FOCAD: variants seen among roughly 807,000 people sequenced by gnomAD.
FOCAD encodes the protein focadhesin, also known as KIAA1797.
FOCAD carries 198 observed loss-of-function variants against 225.6 expected under a neutral mutation model. The ratio of observed to expected loss-of-function variants is 0.88; its 90% CI spans 0.78 to 0.99. The LOEUF (loss-of-function observed/expected upper bound fraction) is 0.99. Ranked by LOEUF, FOCAD falls within the 50% of genes least tolerant of loss-of-function variation. The pLI is 0.00. For missense variants in FOCAD, 2,713 were observed against 2,123.6 expected (o/e 1.28, Z -5.46); for synonymous variants, 897 against 755.0 (o/e 1.19, Z -3.08).
In FOCAD at chr9:20,781,775, C is replaced by G. The variant is rs750370111; in HGVS notation, c.1043C>G (p.Ser348Cys). The change falls in exon 10 of 44, where the codon TCT becomes TGT. Residue 348 changes from serine (S) to cysteine (C), a missense_variant. Transcript: ENST00000338382. ...GAGGATCAGAAAATCCCAAAGTCCTCTCTGCTGCTAGTGATGCCAATTCTG... is the reference window on the plus strand; with the variant it reads ...GAGGATCAGAAAATCCCAAAGTCCTGTCTGCTGCTAGTGATGCCAATTCTG... ...VTEDQKIPKS[S>C]LLLVMPILQI... 9 of 1,613,982 alleles carry G rather than the reference C, an allele frequency of 5.6e-6. No individual in the cohort carries two copies. Among genetic ancestry groups the G allele is most frequent in the South Asian group, 2.2e-5 (2 of 91,086 alleles).
chr9:20,760,591 G>A (rs181418340), intron 6 of FOCAD, among the ~76,000 whole-genome samples: 1 of 152,200 alleles, frequency 6.6e-6, no homozygotes, highest in Non-Finnish European at 1.5e-5. Context: ...TCTGATAAAT[G>A]TCTTTATTTG....
chr9:20,745,438 C>G (rs1339708547), intron 5 of FOCAD, among the ~76,000 whole-genome samples: 1 of 152,080 alleles, frequency 6.6e-6, no homozygotes, highest in East Asian at 1.9e-4. Context: ...GGCAGAGAAT[C>G]AATATTTCGC....
At chr9:20,692,505 C>G (rs1288244108) in intron 1 of FOCAD, among the ~76,000 whole-genome samples, 1 of 152,160 alleles carries the variant, frequency 6.6e-6, no homozygotes, top group African/African-American at 2.4e-5. Context: ...GTGGCTTAAA[C>G]CAACAGTTAT....
intron 5 of FOCAD, 26 bp downstream of exon 5, chr9:20,740,366 T>A (rs1482893352): frequency 2.4e-6 from 3 of 1,243,660 alleles, no homozygotes; most frequent in Non-Finnish European, 2.3e-6. Context: ...GTTTTTTTTT[T>A]AAACAAATAT....
At chr9:20,777,349 C>A (rs1818871578) in intron 8 of FOCAD, among the ~76,000 whole-genome samples, 1 of 122,386 alleles carries the variant, frequency 8.2e-6, no homozygotes, top group South Asian at 2.7e-4. Flanking sequence ...TTCATAGGTA[C>A]TTCTGCTCTG....
At chr9:20,819,940 T>C in intron 12 of FOCAD, 40 bp downstream of exon 12, 1 of 1,189,988 alleles carries the variant, frequency 8.4e-7, no homozygotes, top group Non-Finnish European at 1.2e-6. Flanking sequence ...AAAAAGTGAG[T>C]CATGAATAAT....
chr9:20,950,605 A>T (rs1228411211), intron 33 of FOCAD, among the ~76,000 whole-genome samples: 3 of 152,196 alleles, frequency 2.0e-5, no homozygotes, highest in Non-Finnish European at 4.4e-5. Flanking sequence ...TACAGAAGAG[A>T]ACAAAATGTA....
At chr9:20,702,393 C>G (rs577452828) in intron 1 of FOCAD, among the ~76,000 whole-genome samples, 1 of 152,214 alleles carries the variant, frequency 6.6e-6, no homozygotes, top group Admixed American at 6.5e-5. Context: ...CATGAGCCAC[C>G]GGCTGCTTGA....
Position 20,868,456 on chromosome 9 carries a change from C to G in FOCAD, c.2190+1444C>G, listed in dbSNP as rs149768857. Among the ~76,000 whole-genome samples, 103 of 151,976 alleles carry G rather than the reference C, an allele frequency of 6.8e-4. 1 individual carries two copies. In the East Asian group the frequency reaches 7.1e-3, roughly 11 times the overall value. On this transcript the variant is annotated intron_variant, in intron 18 of 43. Coordinates refer to ENST00000338382, the MANE Select transcript of FOCAD (RefSeq NM_001375567.1). ...TTTTTTCTGATTTTGGATTTATATT[C>G]AATTTCCAATTATGTTTGCAAGAAT...
chr9:20,917,745 A>T (rs948284420), intron 24 of FOCAD, among the ~76,000 whole-genome samples: 9 of 152,200 alleles, frequency 5.9e-5, no homozygotes, highest in Admixed American at 3.9e-4. Context: ...AGTATAGTTT[A>T]TCCTTTTCAT....
chr9:20,720,678 A>C, intron 4 of FOCAD, 144 bp downstream of exon 4: 1 of 788,592 alleles, frequency 1.3e-6, no homozygotes. Flanking sequence ...TGTTTCATAT[A>C]TGAAAATATC....
At chr9:20,868,201 A>G (rs1356209838) in intron 18 of FOCAD, among the ~76,000 whole-genome samples, 1 of 152,124 alleles carries the variant, frequency 6.6e-6, no homozygotes, top group Non-Finnish European at 1.5e-5. Flanking sequence ...GCTACATGTA[A>G]ATTTCATATG....
At chr9:20,685,583 C>T (rs1293189839) in intron 1 of FOCAD, among the ~76,000 whole-genome samples, 2 of 152,074 alleles carry the variant, frequency 1.3e-5, no homozygotes, top group Non-Finnish European at 2.9e-5. Flanking sequence ...TAATCATGAG[C>T]TTTTTAATGT....
chr9:20,866,907 T>TTTTTTTTTG (rs1829325276), intron 17 of FOCAD, 22 bp from the exon 18 acceptor site: 1 of 857,018 alleles, frequency 1.2e-6, no homozygotes, highest in African/African-American at 1.9e-5. Flanking sequence ...TTTTTTTTTT[T>TTTTTTTTTG]TTTTTTTTTT....
chr9:20,955,405 T>A (rs1320718418), intron 35 of FOCAD, among the ~76,000 whole-genome samples: 2 of 152,178 alleles, frequency 1.3e-5, no homozygotes, highest in African/African-American at 4.8e-5. Flanking sequence ...ATAGAACATA[T>A]AAGATGTTCA....
At chr9:20,866,363 G>C (rs79361615) in intron 17 of FOCAD, among the ~76,000 whole-genome samples, 36 of 152,080 alleles carry the variant, frequency 2.4e-4, no homozygotes, top group African/African-American at 6.3e-4. Context: ...TATAGAGACT[G>C]CTGGTGATGT....
chr9:20,820,500 G>T, intron 13 of FOCAD, 75 bp downstream of exon 13: 1 of 1,312,784 alleles, frequency 7.6e-7, no homozygotes, highest in Non-Finnish European at 1.1e-6. Context: ...TGTCATATAT[G>T]GCAATGCTTT....
chr9:20,710,377 C>G (rs1824739905), intron 1 of FOCAD, among the ~76,000 whole-genome samples: 1 of 151,786 alleles, frequency 6.6e-6, no homozygotes, highest in Non-Finnish European at 1.5e-5. Flanking sequence ...GGGCAGATCA[C>G]CTGAGGTCAG....
intron 23 of FOCAD, 22 bp downstream of exon 23, chr9:20,912,976 C>G: frequency 6.3e-7 from 1 of 1,590,942 alleles, no homozygotes. Context: ...TGTTCAGCTG[C>G]CCATTATTTG....
Sources: allele counts gnomAD v4.1 joint callset (sites outside exome capture counted in the v4.1 genomes callset), GRCh38; gene constraint gnomAD v4.1.1; transcripts MANE v1.5; gene names NCBI Gene and HGNC (gene_info 2026-07-23, HGNC 2026-07-21).